Variants in PEX11G observed in about 807,000 individuals in gnomAD.
The protein encoded by PEX11G is peroxisomal biogenesis factor 11 gamma.
PEX11G carries 20 observed loss-of-function variants against 22.5 expected under a neutral mutation model. The ratio of observed to expected loss-of-function variants is 0.89; its 90% CI spans 0.62 to 1.29. The LOEUF (loss-of-function observed/expected upper bound fraction) is 1.29, where lower values mean the gene tolerates loss of function less well. PEX11G is among the 50% of genes most tolerant of loss of function. PEX11G has a pLI of 0.00. For synonymous variants in PEX11G, 141 were observed against 154.5 expected (o/e 0.91, Z 0.65); for missense variants, 347 against 331.3 (o/e 1.05, Z -0.37).
At chr19:7,481,976 G>A in intron 3 of PEX11G, 57 bp downstream of exon 3, 1 of 1,456,002 alleles carries the variant, frequency 6.9e-7, no homozygotes. Context: ...CTGCCACTTT[G>A]CTAAGGAGGC....
chr19:7,481,148 G>A (rs180782537), intron 3 of PEX11G, among the ~76,000 whole-genome samples: 8 of 152,224 alleles, frequency 5.3e-5, no homozygotes, highest in African/African-American at 1.9e-4. Context: ...TCCTGAACCT[G>A]TCAACATGTT....
At chr19:7,491,328 G>A (rs2021886525), upstream of PEX11G, among the ~76,000 whole-genome samples, 1 of 143,332 alleles carries the variant, frequency 7.0e-6, no homozygotes, top group African/African-American at 2.6e-5. Flanking sequence ...GGAGTGCAGT[G>A]GCATGATCTC....
upstream of PEX11G, among the ~76,000 whole-genome samples, chr19:7,493,751 A>T (rs188482289): frequency 3.0e-3 from 450 of 151,594 alleles, 1 homozygote; most frequent in Non-Finnish European, 4.9e-3. Context: ...CACACCTGTA[A>T]TCCCAATACT....
chr19:7,487,867 C>T (rs1465147815), intron 1 of PEX11G, among the ~76,000 whole-genome samples: 1 of 152,110 alleles, frequency 6.6e-6, no homozygotes, highest in Non-Finnish European at 1.5e-5. Context: ...TTTGTTAACC[C>T]ACCCCCCCAA....
At position 7,488,959 on chromosome 19, in the gene PEX11G, C is replaced by G. The variant is rs1239678025; in HGVS notation, c.52G>C (p.Asp18His). The change falls in exon 1 of 5, where the codon GAC becomes CAC. Residue 18 changes from aspartate (D) to histidine (H), a missense_variant. Physicochemically the swap from Asp to His is moderately conservative, Grantham distance 81. Transcript: ENST00000221480. ...ASALESYRGR[D>H]RLIRVLGYCC... Reference sequence around the variant, plus strand: ...GTCCGCCCCTGCCTCACCAGGCGGTCCCGGCCCCTGTACGACTCCAGCGCC... The same window carrying G: ...GTCCGCCCCTGCCTCACCAGGCGGTGCCGGCCCCTGTACGACTCCAGCGCC... 15 of 1,554,430 alleles carry G rather than the reference C, an allele frequency of 9.6e-6. No homozygotes were observed. In the East Asian group the frequency reaches 3.4e-4, roughly 35 times the overall value.
intron 2 of PEX11G, among the ~76,000 whole-genome samples, chr19:7,482,682 G>C (rs1162166756): frequency 6.6e-6 from 1 of 152,216 alleles, no homozygotes; most frequent in Non-Finnish European, 1.5e-5. Context: ...TATGCAGGGA[G>C]CATGAGGTGG....
chr19:7,492,122 G>A (rs1277033995), upstream of PEX11G, among the ~76,000 whole-genome samples: 2 of 152,202 alleles, frequency 1.3e-5, no homozygotes, highest in African/African-American at 4.8e-5. Context: ...TCGTGAATAA[G>A]TACAGCTATA....
chr19:7,478,420 G>A, intron 3 of PEX11G, 44 bp from the exon 4 acceptor site: 1 of 1,575,842 alleles, frequency 6.3e-7, no homozygotes, highest in Non-Finnish European at 8.6e-7. Flanking sequence ...GCGGGGAGCA[G>A]GAGGGTTAGC....
intron 1 of PEX11G, 56 bp from the exon 2 acceptor site, chr19:7,486,082 C>T: frequency 6.8e-7 from 1 of 1,477,856 alleles, no homozygotes; most frequent in Non-Finnish European, 9.2e-7. Context: ...AACTGAGCTG[C>T]ATCCCCCCAT....
Position 7,489,026 on chromosome 19 carries a change from T to A in PEX11G, c.-16A>T, listed in dbSNP as rs372569172. 9 of 1,507,144 alleles carry A rather than the reference T, an allele frequency of 6.0e-6. No homozygotes were observed. The highest frequency in any genetic ancestry group is 1.2e-5 in the South Asian group (1 of 80,702). The allele number at this position is 1,507,144 out of a possible 1,614,324, so 93.4% of individuals were successfully genotyped here. ...GCGACGCCATGGCAACTCCGTGACG[T>A]CACCGCGACGTCGGCGCGCCGCGCC... On this transcript the variant is annotated 5_prime_UTR_variant, in exon 1 of 5. Coordinates refer to ENST00000221480, the MANE Select transcript of PEX11G (RefSeq NM_080662.4).
chr19:7,491,498 A>G (rs112071167), upstream of PEX11G, among the ~76,000 whole-genome samples: 46,375 of 151,414 alleles, frequency 0.31, 7,243 homozygotes, highest in African/African-American at 0.36. Context: ...TGAACTCTTG[A>G]CCTCAAGGGA....
Position 7,485,894 on chromosome 19 carries a change from G to C in PEX11G, c.193C>G (p.Leu65Val), listed in dbSNP as rs201114612. ...ACAAACATGGCCAGGTCATCAAAGAGTCGCAAGATGGTCCTGCAGTGGCTG... is the reference window on the plus strand; with the variant it reads ...ACAAACATGGCCAGGTCATCAAAGACTCGCAAGATGGTCCTGCAGTGGCTG... ...QLSHCRTILR[L>V]FDDLAMFVYT... Residue 65 changes from leucine to valine, a missense_variant, in exon 2 of 5, where the codon CTC becomes GTC. Physicochemically the swap from Leu to Val is conservative, Grantham distance 32 (BLOSUM62 1). Coordinates refer to ENST00000221480, the MANE Select transcript of PEX11G (RefSeq NM_080662.4). 1.9e-6 allele frequency: 3 copies of C among 1,613,632 alleles called. No individual in the cohort carries two copies. The highest frequency in any genetic ancestry group is 2.2e-5 in the South Asian group (2 of 91,050).
intron 1 of PEX11G, among the ~76,000 whole-genome samples, chr19:7,486,528 G>C (rs1256592205): frequency 6.6e-6 from 1 of 152,192 alleles, no homozygotes. Flanking sequence ...TTGAGAAACC[G>C]AGGTGAGAGG....
At chr19:7,480,647 C>T (rs749303991) in intron 3 of PEX11G, among the ~76,000 whole-genome samples, 7 of 152,122 alleles carry the variant, frequency 4.6e-5, no homozygotes, top group Non-Finnish European at 1.0e-4. Context: ...AGATTGTCTA[C>T]GGTAAGCATG....
At chr19:7,486,135 T>C in intron 1 of PEX11G, 109 bp from the exon 2 acceptor site, 5 of 959,076 alleles carry the variant, frequency 5.2e-6, no homozygotes, top group Admixed American at 3.0e-5. Context: ...TGGAAGATTC[T>C]CTTTTTTTTT....
chr19:7,494,897 C>T (rs182291478), intron 1 of PEX11G, among the ~76,000 whole-genome samples: 1 of 152,324 alleles, frequency 6.6e-6, no homozygotes, highest in Non-Finnish European at 1.5e-5. Context: ...AACTGGACCT[C>T]CTCTGCTACT....
At chr19:7,485,577 C>G (rs140011849) in intron 2 of PEX11G, among the ~76,000 whole-genome samples, 2,774 of 152,088 alleles carry the variant, frequency 0.018, 88 homozygotes, top group African/African-American at 0.064. Context: ...GGACGGTCTC[C>G]ATCTCCTGAC....
chr19:7,490,469 G>C (rs1452372325), upstream of PEX11G, among the ~76,000 whole-genome samples: 1 of 148,116 alleles, frequency 6.8e-6, no homozygotes, highest in East Asian at 2.0e-4. Flanking sequence ...TACTACAGGC[G>C]CCCGCCACCA....
At chr19:7,493,531 G>T (rs368537660), upstream of PEX11G, among the ~76,000 whole-genome samples, 1 of 151,460 alleles carries the variant, frequency 6.6e-6, no homozygotes, top group Non-Finnish European at 1.5e-5. Flanking sequence ...TTGAGACAGG[G>T]TCTCGCTCTG....
Sources: gnomAD v4.1 joint callset for allele counts (sites outside exome capture counted in the v4.1 genomes callset) on GRCh38, gnomAD v4.1.1 for gene constraint, MANE v1.5 for transcripts, NCBI Gene and HGNC (gene_info 2026-07-23, HGNC 2026-07-21) for gene names.